PCDH15: variants seen among roughly 807,000 people sequenced by gnomAD.
PCDH15 encodes the protein protocadherin related 15, also known as protocadherin-15.
Under a neutral mutation model 178.5 loss-of-function variants are expected in PCDH15, and 129 were observed. The ratio of observed to expected loss-of-function variants is 0.72; its 90% confidence interval spans 0.63 to 0.84. The LOEUF is 0.84. PCDH15 is among the 40% of genes least tolerant of loss of function. The probability of loss-of-function intolerance (pLI) is 0.00; values close to 1 mark genes in which losing one functional copy is unlikely to be tolerated. For synonymous variants in PCDH15, 800 were observed against 732.0 expected (o/e 1.09, Z -1.50); for missense variants, 2,230 against 2,099.9 (o/e 1.06, Z -1.21).
At chr10:55,190,846 T>C (rs1839927985) in intron 1 of PCDH15, among the ~76,000 whole-genome samples, 1 of 151,744 alleles carries the variant, frequency 6.6e-6, no homozygotes. Context: ...GTAGATATAA[T>C]AGGCATTACT....
Position 54,687,503 on chromosome 10 carries a change from T to G in PCDH15, c.-28-23213A>C, listed in dbSNP as rs2095035164. Reference sequence around the variant, plus strand: ...TCTCTCCTTTGACCAAAACTTTATTTGGACTCTTTTGAATCTTATGCTTGG... The same window carrying G: ...TCTCTCCTTTGACCAAAACTTTATTGGGACTCTTTTGAATCTTATGCTTGG... On this transcript the variant is annotated intron_variant, in intron 1 of 37. Transcript: ENST00000644397. Among the ~76,000 whole-genome samples, 4 of 152,170 alleles carry G rather than the reference T, an allele frequency of 2.6e-5. No individual in the cohort carries two copies. In the South Asian group the frequency reaches 8.3e-4, roughly 31 times the overall value.
intron 1 of PCDH15, among the ~76,000 whole-genome samples, chr10:54,733,634 A>G (rs1037569848): frequency 2.0e-5 from 3 of 151,658 alleles, no homozygotes; most frequent in African/African-American, 7.2e-5. Context: ...GAAAATAATT[A>G]TAATATCCAA....
intron 1 of PCDH15, among the ~76,000 whole-genome samples, chr10:55,176,711 A>G (rs558128756): frequency 9.9e-5 from 15 of 152,246 alleles, no homozygotes; most frequent in African/African-American, 3.4e-4. Flanking sequence ...GTGGTTCCCA[A>G]TCCCTATATC....
chr10:55,425,266 G>A (rs573260558), intron 2 of PCDH15, among the ~76,000 whole-genome samples: 1 of 151,664 alleles, frequency 6.6e-6, no homozygotes, highest in East Asian at 1.9e-4. Context: ...AGTATTGTTT[G>A]TAAAATTTTA....
chr10:54,999,132 C>T (rs535496605), intron 2 of PCDH15, among the ~76,000 whole-genome samples: 1 of 152,056 alleles, frequency 6.6e-6, no homozygotes, highest in Non-Finnish European at 1.5e-5. Flanking sequence ...GTTTCCTATA[C>T]ATTTGAAACA....
intron 2 of PCDH15, among the ~76,000 whole-genome samples, chr10:55,537,045 T>G (rs1342985061): frequency 6.6e-6 from 1 of 152,128 alleles, no homozygotes; most frequent in African/African-American, 2.4e-5. Context: ...TCAGATGTTT[T>G]CTTTTTGATA....
intron 21 of PCDH15, among the ~76,000 whole-genome samples, chr10:53,973,762 C>T (rs2089959731): frequency 1.3e-5 from 2 of 152,084 alleles, no homozygotes; most frequent in South Asian, 2.1e-4. Context: ...AAAAAAAAAT[C>T]ATAGCCATTG....
chr10:55,198,186 T>C (rs966320762), intron 1 of PCDH15, among the ~76,000 whole-genome samples: 1 of 152,140 alleles, frequency 6.6e-6, no homozygotes, highest in African/African-American at 2.4e-5. Flanking sequence ...TTGCAGTTGC[T>C]CTTCAATAAA....
At chr10:53,926,519 C>A (rs1288220336) in intron 25 of PCDH15, among the ~76,000 whole-genome samples, 2 of 152,126 alleles carry the variant, frequency 1.3e-5, no homozygotes, top group Non-Finnish European at 2.9e-5. Flanking sequence ...TTTTATGATT[C>A]TTTTACTTAT....
intron 2 of PCDH15, among the ~76,000 whole-genome samples, chr10:55,076,286 T>C (rs1262032224): frequency 2.6e-5 from 4 of 152,192 alleles, no homozygotes; most frequent in Admixed American, 1.3e-4. Flanking sequence ...TGTTTCTTTA[T>C]TGGTTTATTT....
Position 54,185,175 on chromosome 10 carries a change from G to A in PCDH15, c.1399C>T (p.Gln467Ter), listed in dbSNP as rs2133817680. The A allele has an allele frequency of 6.2e-7, 1 of 1,613,624 alleles. No individual in the cohort carries two copies. The highest frequency in any genetic ancestry group is 1.1e-5 in the South Asian group (1 of 91,074). Residue 467 changes from glutamine to a stop codon, truncating the protein, a stop_gained, in exon 12 of 38, where the codon CAA becomes TAA. Transcript: ENST00000644397. LOFTEE classifies it high-confidence loss of function. Reference sequence around the variant, plus strand: ...TGCTGTTCTTCCCTGTCCACTGGTTGAAGTAAGGTGAGGTAGCGAGTAATA... The same window carrying A: ...TGCTGTTCTTCCCTGTCCACTGGTTAAAGTAAGGTGAGGTAGCGAGTAATA... ...TGITRYLTLL[Q>*]PVDREEQQTY...
chr10:55,099,049 C>T (rs756673500), intron 2 of PCDH15, among the ~76,000 whole-genome samples: 8 of 151,892 alleles, frequency 5.3e-5, no homozygotes, highest in Non-Finnish European at 1.0e-4. Context: ...AGGTGTTTAC[C>T]CCAGACAGTG....
chr10:55,508,742 T>C (rs779601409), intron 2 of PCDH15, among the ~76,000 whole-genome samples: 1 of 151,682 alleles, frequency 6.6e-6, no homozygotes, highest in Non-Finnish European at 1.5e-5. Context: ...TTCAAAAGAA[T>C]ATTAGGTACT....
At chr10:54,183,933 A>G (rs2048247147) in intron 12 of PCDH15, among the ~76,000 whole-genome samples, 1 of 152,126 alleles carries the variant, frequency 6.6e-6, no homozygotes, top group African/African-American at 2.4e-5. Context: ...TTAATTGGAA[A>G]ATATTATTTG....
chr10:55,131,061 T>C (rs943564681), intron 2 of PCDH15, among the ~76,000 whole-genome samples: 1 of 152,250 alleles, frequency 6.6e-6, no homozygotes, highest in South Asian at 2.1e-4. Flanking sequence ...AAGTTCATAG[T>C]TCACATTACA....
At chr10:54,431,503 A>G (rs1426539367) in intron 3 of PCDH15, among the ~76,000 whole-genome samples, 8 of 152,188 alleles carry the variant, frequency 5.3e-5, no homozygotes, top group Non-Finnish European at 7.4e-5. Flanking sequence ...AAGGGCAAAA[A>G]CTGTATGATA....
intron 6 of PCDH15, among the ~76,000 whole-genome samples, chr10:54,342,120 G>T (rs2134091864): frequency 6.6e-6 from 1 of 152,328 alleles, no homozygotes; most frequent in East Asian, 1.9e-4. Context: ...GCTGGGTGCA[G>T]AAATTTGCAT....
At position 55,158,070 on chromosome 10, in the gene PCDH15, A is replaced by ATG. The variant is rs1196952084; in HGVS notation, c.-80+8504_-80+8505dup. Reference sequence around the variant, plus strand: ...TTCAAAATCACACAAATATGTGTGTATGTGTGTGTATATATATATATATAT... The same window carrying ATG: ...TTCAAAATCACACAAATATGTGTGTATGTGTGTGTGTATATATATATATATAT... On this transcript the variant is annotated intron_variant, in intron 2 of 5. Coordinates refer to the PCDH15 transcript ENST00000458638. Among the ~76,000 whole-genome samples the ATG allele has an allele frequency of 4.8e-3, 585 of 122,674 alleles. 6 individuals carry two copies. Among genetic ancestry groups the ATG allele is most frequent in the African/African-American group, 0.021 (564 of 26,958 alleles). 80.5% of individuals were successfully genotyped at this position (122,674 alleles called of 152,430 possible). A position where few individuals can be genotyped will look rare whatever the true frequency, so the allele number is the denominator to read the frequency against.
intron 2 of PCDH15, among the ~76,000 whole-genome samples, chr10:55,110,176 T>A (rs1320173386): frequency 6.6e-6 from 1 of 152,006 alleles, no homozygotes; most frequent in Non-Finnish European, 1.5e-5. Flanking sequence ...ATGTAGGGAA[T>A]AAGGGCTGTA....
Sources: allele counts gnomAD v4.1 joint callset (sites outside exome capture counted in the v4.1 genomes callset), GRCh38; gene constraint gnomAD v4.1.1; transcripts MANE v1.5; gene names NCBI Gene and HGNC (gene_info 2026-07-23, HGNC 2026-07-21).